The following TRHDE variants were observed in gnomAD, a reference collection of about 807,000 sequenced individuals.
TRHDE encodes the protein thyrotropin-releasing hormone-degrading ectoenzyme.
A neutral mutation model predicts 125.7 loss-of-function variants in TRHDE; 72 were observed. The ratio of observed to expected loss-of-function variants is 0.57; its 90% CI spans 0.47 to 0.70. TRHDE has a LOEUF of 0.70. TRHDE is among the 30% of genes least tolerant of loss of function. The pLI is 0.00. For synonymous variants in TRHDE, 509 were observed against 509.1 expected, an observed-to-expected ratio of 1.00 and a Z score of 0.00; for missense variants, 1,110 against 1,327.1, an observed-to-expected ratio of 0.84 and a Z score of 2.54.
At chr12:72,311,490 C>T (rs1186369335) in intron 2 of TRHDE, among the ~76,000 whole-genome samples, 3 of 152,122 alleles carry the variant, frequency 2.0e-5, no homozygotes, top group South Asian at 2.1e-4. Flanking sequence ...GGAATCAGCA[C>T]ATTAACATTG....
rs934893422 is a variant in TRHDE at position 72,667,542 on chromosome 12, A to G, written c.*4347A>G. ...ATATGGCCTGAAGGAATGAACTCAT[A>G]TTACAATAAATGAAAAAGAAAAAGA... On this transcript the variant is annotated 3_prime_UTR_variant, in exon 19 of 19. Coordinates refer to ENST00000261180, the MANE Select transcript of TRHDE (RefSeq NM_013381.3). 2.6e-5 allele frequency: 4 copies of G among 151,748 alleles called. No homozygotes were observed. The highest frequency in any genetic ancestry group is 9.7e-5 in the African/African-American group (4 of 41,406). 9.4% of individuals were successfully genotyped at this position (151,748 alleles called of 1,614,324 possible).
chr12:72,275,089 T>C (rs1445149919), intron 1 of TRHDE, among the ~76,000 whole-genome samples: 1 of 152,186 alleles, frequency 6.6e-6, no homozygotes, highest in Non-Finnish European at 1.5e-5. Context: ...CAGGTGATTC[T>C]CACAACAGCA....
chr12:72,237,075 T>C (rs1878349803), intron 2 of TRHDE, among the ~76,000 whole-genome samples: 1 of 152,176 alleles, frequency 6.6e-6, no homozygotes, highest in South Asian at 2.1e-4. Flanking sequence ...AAGCAGCTGG[T>C]GTATCAATAT....
At chr12:72,330,616 T>G (rs2135719273) in intron 2 of TRHDE, among the ~76,000 whole-genome samples, 1 of 152,332 alleles carries the variant, frequency 6.6e-6, no homozygotes, top group East Asian at 1.9e-4. Flanking sequence ...TGGAGCACTC[T>G]CAAAGGCTGG....
At chr12:72,466,730 G>A (rs1371980322) in intron 3 of TRHDE, among the ~76,000 whole-genome samples, 1 of 151,966 alleles carries the variant, frequency 6.6e-6, no homozygotes, top group African/African-American at 2.4e-5. Context: ...ATGCACTTCT[G>A]ATTTCAAACA....
At chr12:72,620,109 T>A (rs1009713155) in intron 13 of TRHDE, among the ~76,000 whole-genome samples, 1 of 152,050 alleles carries the variant, frequency 6.6e-6, no homozygotes. Context: ...ACACATTAAT[T>A]TCTCCCTAAC....
At chr12:72,632,969 A>G (rs935742710) in intron 15 of TRHDE, among the ~76,000 whole-genome samples, 1 of 151,842 alleles carries the variant, frequency 6.6e-6, no homozygotes, top group Non-Finnish European at 1.5e-5. Context: ...GTGCTTTGGC[A>G]ATTATATTTT....
chr12:72,272,219 C>T (rs1879246985), upstream of TRHDE: 1 of 415,538 alleles, frequency 2.4e-6, no homozygotes, highest in Non-Finnish European at 4.9e-6. The surrounding 1 kb of genome is among the most constrained non-coding windows in gnomAD (Gnocchi z 6.7). Context: ...CCTCGCTCTT[C>T]CCACCGCTCC....
At chr12:72,465,089 A>G (rs1876305574) in intron 3 of TRHDE, among the ~76,000 whole-genome samples, 8 of 152,204 alleles carry the variant, frequency 5.3e-5, no homozygotes, top group Admixed American at 5.2e-4. Context: ...ATGGGTATAC[A>G]TTTTAATGGG....
chr12:72,637,336 G>T (rs978831572), intron 15 of TRHDE, among the ~76,000 whole-genome samples: 1 of 152,134 alleles, frequency 6.6e-6, no homozygotes, highest in African/African-American at 2.4e-5. Context: ...ATTTCTGTGG[G>T]ATTGGTGGTG....
At chr12:72,277,928 A>G (rs1879550196) in intron 1 of TRHDE, among the ~76,000 whole-genome samples, 1 of 152,164 alleles carries the variant, frequency 6.6e-6, no homozygotes, top group Admixed American at 6.5e-5. Flanking sequence ...ATCATCTCAT[A>G]TAGCTATTTT....
chr12:72,447,923 A>G (rs182269420), intron 3 of TRHDE, among the ~76,000 whole-genome samples: 1 of 152,100 alleles, frequency 6.6e-6, no homozygotes, highest in African/African-American at 2.4e-5. Flanking sequence ...TGTCAGAAAA[A>G]ATTTATAACT....
chr12:72,410,659 A>C (rs922660811), intron 3 of TRHDE, among the ~76,000 whole-genome samples: 1 of 152,180 alleles, frequency 6.6e-6, no homozygotes, highest in African/African-American at 2.4e-5. Context: ...ATAAAAGTCA[A>C]CATCTAGTTC....
At chr12:72,296,710 A>T (rs1880314168) in intron 2 of TRHDE, among the ~76,000 whole-genome samples, 1 of 152,138 alleles carries the variant, frequency 6.6e-6, no homozygotes, top group East Asian at 1.9e-4. Context: ...CTACATGGCC[A>T]GGTCAGAAGT....
chr12:72,107,451 G>C (rs1875213523), intron 2 of TRHDE, among the ~76,000 whole-genome samples: 1 of 152,122 alleles, frequency 6.6e-6, no homozygotes, highest in African/African-American at 2.4e-5. Context: ...AGCACACAAA[G>C]TGAGAGATGC....
At chr12:72,408,295 A>T (rs145473240) in intron 3 of TRHDE, among the ~76,000 whole-genome samples, 2 of 152,224 alleles carry the variant, frequency 1.3e-5, no homozygotes, top group Non-Finnish European at 2.9e-5. Context: ...GAACACAGTC[A>T]GAGCACAGCA....
At chr12:72,348,907 T>A (rs1870453712) in intron 2 of TRHDE, among the ~76,000 whole-genome samples, 1 of 152,072 alleles carries the variant, frequency 6.6e-6, no homozygotes, top group African/African-American at 2.4e-5. Context: ...TTTTTGCTAA[T>A]AGATTTTTTT....
chr12:72,297,817 G>A (rs990882738), intron 2 of TRHDE, among the ~76,000 whole-genome samples: 14 of 152,152 alleles, frequency 9.2e-5, no homozygotes, highest in African/African-American at 3.1e-4. Context: ...TTTGTGCAAA[G>A]GATAAAAGTG....
chr12:72,633,667 C>A (rs1592585049), intron 15 of TRHDE, among the ~76,000 whole-genome samples: 1 of 152,050 alleles, frequency 6.6e-6, no homozygotes, highest in Non-Finnish European at 1.5e-5. Context: ...ATTCTGTATC[C>A]TCTTTGCTAG....
Sources: gnomAD v4.1 joint callset for allele counts (sites outside exome capture counted in the v4.1 genomes callset) on GRCh38, gnomAD v4.1.1 for gene constraint, Gnocchi (gnomAD v3.1) non-coding constraint, MANE v1.5 for transcripts, NCBI Gene and HGNC (gene_info 2026-07-23, HGNC 2026-07-21) for gene names.